Variants in TAS2R1 observed in about 807,000 individuals in gnomAD.
The protein encoded by TAS2R1 is taste receptor type 2 member 1.
For missense variants in TAS2R1, 370 were observed against 353.4 expected (o/e 1.05, Z -0.38); for synonymous variants, 141 against 134.2 (o/e 1.05, Z -0.35).
At chr5:9,699,143 G>A (rs373648768) in intron 1 of TAS2R1, among the ~76,000 whole-genome samples, 2 of 152,344 alleles carry the variant, frequency 1.3e-5, no homozygotes, top group East Asian at 3.9e-4. Flanking sequence ...CAGAGAGAAT[G>A]AATCCAGATG....
At chr5:9,646,086 A>G (rs866191666) in intron 2 of TAS2R1, among the ~76,000 whole-genome samples, 1 of 152,182 alleles carries the variant, frequency 6.6e-6, no homozygotes, top group Non-Finnish European at 1.5e-5. Context: ...CATTTAGTGA[A>G]GTAACTAGGG....
At chr5:9,857,206 G>C in the TAS2R1 span, among the ~76,000 whole-genome samples, 3 of 152,180 alleles carry the variant, frequency 2.0e-5, no homozygotes, top group Non-Finnish European at 4.4e-5. Context: ...CAGTTAGATA[G>C]AAGAAGTACG....
intron 1 of TAS2R1, among the ~76,000 whole-genome samples, chr5:9,708,165 C>A (rs1451473256): frequency 1.3e-5 from 2 of 152,312 alleles, no homozygotes; most frequent in East Asian, 3.9e-4. Context: ...GAATATTCTT[C>A]AAATGAAATT....
the TAS2R1 span, among the ~76,000 whole-genome samples, chr5:9,794,055 G>A: frequency 6.6e-6 from 1 of 152,194 alleles, no homozygotes; most frequent in Non-Finnish European, 1.5e-5. Context: ...CAGGATTTGT[G>A]TAACCAGGGT....
chr5:9,842,312 CTCTCT>C, the TAS2R1 span, among the ~76,000 whole-genome samples: 1 of 120,378 alleles, frequency 8.3e-6, no homozygotes, highest in African/African-American at 3.0e-5. Flanking sequence ...GTCTTTCTTT[CTCTCT>C]TTTTTTTTTT....
the TAS2R1 span, among the ~76,000 whole-genome samples, chr5:9,832,563 C>T: frequency 6.6e-6 from 1 of 152,190 alleles, no homozygotes; most frequent in African/African-American, 2.4e-5. Flanking sequence ...TCAAGTGTTC[C>T]TCTAAGCAGA....
the TAS2R1 span, among the ~76,000 whole-genome samples, chr5:9,825,569 A>T: frequency 0.011 from 1,654 of 152,194 alleles, 23 homozygotes; most frequent in African/African-American, 0.035. Flanking sequence ...CAACAACTAG[A>T]CTATTTGGTT....
the TAS2R1 span, among the ~76,000 whole-genome samples, chr5:9,759,673 A>G: frequency 6.6e-6 from 1 of 152,214 alleles, no homozygotes; most frequent in African/African-American, 2.4e-5. Context: ...AGTAAAGGTG[A>G]TCTACATTAC....
At chr5:9,644,095 A>G (rs1186120948) in intron 2 of TAS2R1, among the ~76,000 whole-genome samples, 5 of 152,134 alleles carry the variant, frequency 3.3e-5, no homozygotes, top group Admixed American at 3.3e-4. Flanking sequence ...AGGCATGGAG[A>G]CTGCATCTCA....
intron 1 of TAS2R1, among the ~76,000 whole-genome samples, chr5:9,702,046 C>A (rs1741498931): frequency 6.6e-6 from 1 of 152,140 alleles, no homozygotes; most frequent in Non-Finnish European, 1.5e-5. Context: ...AGCATGAAAT[C>A]CACTCCTAGA....
the TAS2R1 span, among the ~76,000 whole-genome samples, chr5:9,795,629 A>G: frequency 2.6e-5 from 4 of 152,286 alleles, 1 homozygote; most frequent in Middle Eastern, 6.8e-3. Context: ...GCCCCATCCA[A>G]GACAAAGTAG....
upstream of TAS2R1, among the ~76,000 whole-genome samples, chr5:9,634,025 T>C (rs975380746): frequency 6.6e-6 from 1 of 152,146 alleles, no homozygotes; most frequent in African/African-American, 2.4e-5. Flanking sequence ...CCTGAGCCAA[T>C]GTCAAGAAGA....
At chr5:9,772,879 G>A in the TAS2R1 span, among the ~76,000 whole-genome samples, 2 of 151,898 alleles carry the variant, frequency 1.3e-5, no homozygotes, top group African/African-American at 4.8e-5. Context: ...TTCAGTCTAT[G>A]TGTTCTTTAT....
chr5:9,784,914 G>A, the TAS2R1 span, among the ~76,000 whole-genome samples: 1 of 152,162 alleles, frequency 6.6e-6, no homozygotes, highest in Non-Finnish European at 1.5e-5. Context: ...CAGGAAGACT[G>A]TTTATAAATA....
At chr5:9,831,910 G>A in the TAS2R1 span, among the ~76,000 whole-genome samples, 136,291 of 152,234 alleles carry the variant, frequency 0.9, 61,035 homozygotes, top group African/African-American at 0.92. Context: ...CTTATTTGTT[G>A]GGAAATTCTT....
chr5:9,900,443 CAAGAA>C, the TAS2R1 span, among the ~76,000 whole-genome samples: 1 of 152,112 alleles, frequency 6.6e-6, no homozygotes, highest in East Asian at 1.9e-4. Context: ...CTTGAAAATA[CAAGAA>C]AAGATTTCAT....
At chr5:9,748,290 T>C in the TAS2R1 span, among the ~76,000 whole-genome samples, 1 of 152,288 alleles carries the variant, frequency 6.6e-6, no homozygotes, top group South Asian at 2.1e-4. Flanking sequence ...TGGAGTGCAG[T>C]GGCACAATCG....
At chr5:9,764,475 A>C in the TAS2R1 span, among the ~76,000 whole-genome samples, 2 of 152,206 alleles carry the variant, frequency 1.3e-5, no homozygotes, top group Non-Finnish European at 2.9e-5. Flanking sequence ...CCAGCTATAA[A>C]ACTGAAATTC....
chr5:9,652,872 TGTG>T lies in TAS2R1; in HGVS notation c.-81+6546_-81+6548del, dbSNP rs967573718. On this transcript the variant is annotated intron_variant, in intron 2 of 2. Coordinates refer to the TAS2R1 transcript ENST00000506620. ...CTTTTCTAAAAAATATTATTTTAAT[TGTG>T]GTAAAATACACATATCATAAAAATT... Among the ~76,000 whole-genome samples the T allele has an allele frequency of 1.3e-3, 193 of 152,346 alleles. 2 individuals are homozygous for T. Among genetic ancestry groups the T allele is most frequent in the African/African-American group, 4.3e-3 (180 of 41,584 alleles).
Sources: gnomAD v4.1 joint callset for allele counts (sites outside exome capture counted in the v4.1 genomes callset) on GRCh38, gnomAD v4.1.1 for gene constraint, MANE v1.5 for transcripts, NCBI Gene and HGNC (gene_info 2026-07-23, HGNC 2026-07-21) for gene names.